The following LRP1B variants were observed in gnomAD, a reference collection of about 807,000 sequenced individuals.
LRP1B encodes LDL receptor related protein 1B, also known as low-density lipoprotein receptor-related protein 1B.
LRP1B carries 217 observed loss-of-function variants against 556.6 expected under a neutral mutation model. That is an observed-to-expected ratio of 0.39 (90% confidence interval 0.35 to 0.44). The LOEUF (loss-of-function observed/expected upper bound fraction) is 0.44, where lower values mean the gene tolerates loss of function less well. Ranked by LOEUF, LRP1B falls within the 20% of genes least tolerant of loss-of-function variation. LRP1B has a pLI of 1.00. For missense variants in LRP1B, 5,053 were observed against 5,620.8 expected, an observed-to-expected ratio of 0.90 and a Z score of 3.23; for synonymous variants, 2,047 against 1,865.8, an observed-to-expected ratio of 1.10 and a Z score of -2.50.
rs148562057 is a variant in LRP1B at position 141,447,474 on chromosome 2, C to A, written c.343+32922G>T. On this transcript the variant is annotated intron_variant, in intron 3 of 90. Transcript: ENST00000389484. ...GCCCTTGCTGGTGAGGAGTTGTGAT[C>A]CTTTGGAGAAGAGGCGTTCCAGTTT... 4.3e-3 allele frequency among the ~76,000 whole-genome samples: 654 copies of A among 152,062 alleles called. 6 individuals are homozygous for A. Among genetic ancestry groups the A allele is most frequent in the Non-Finnish European group, 6.8e-3 (460 of 67,978 alleles).
At position 140,325,993 on chromosome 2, in the gene LRP1B, G is replaced by C. The variant is rs527268217; in HGVS notation, c.12224-115C>G. 2.7e-4 allele frequency: 176 copies of C among 650,898 alleles called. 1 individual carries two copies. The African/African-American group carries it at 3.0e-3, about 11-fold the overall frequency. 40.3% of individuals were successfully genotyped at this position (650,898 alleles called of 1,614,324 possible). A position where few individuals can be genotyped will look rare whatever the true frequency, so the allele number is the denominator to read the frequency against. ...TTGACATTTGTCTTCAAGCATCATA[G>C]AAATTACCTGGTGCCCATCATGAAA... is the stretch of plus-strand genomic sequence containing the variant. On this transcript the variant is annotated intron_variant, in intron 79 of 90. Transcript: ENST00000389484.
chr2:141,882,958 A>G (rs1699001936), intron 1 of LRP1B, among the ~76,000 whole-genome samples: 1 of 152,200 alleles, frequency 6.6e-6, no homozygotes, highest in Non-Finnish European at 1.5e-5. Context: ...TTGGCTGTTC[A>G]GTAGCAGTCT....
intron 2 of LRP1B, among the ~76,000 whole-genome samples, chr2:141,560,082 T>C (rs77375080): frequency 1.7e-3 from 251 of 151,774 alleles, no homozygotes; most frequent in Middle Eastern, 3.4e-3. Context: ...GCTTACTCTT[T>C]TGACCCCTGA....
At chr2:142,050,712 T>TC (rs1704426090) in intron 1 of LRP1B, among the ~76,000 whole-genome samples, 1 of 152,086 alleles carries the variant, frequency 6.6e-6, no homozygotes, top group Non-Finnish European at 1.5e-5. Flanking sequence ...GAAGTAAAAC[T>TC]CCCACCTATG....
chr2:140,700,636 T>G lies in LRP1B; in HGVS notation c.6428-15A>C, dbSNP rs777677302. ...AACATTGGTCCCTAATGAAGAAAAA[T>G]GATACACACATGCACATGTTTATGT... On this transcript the variant is annotated splice_polypyrimidine_tract_variant and intron_variant, in intron 40 of 90. Coordinates refer to ENST00000389484, the MANE Select transcript of LRP1B (RefSeq NM_018557.3). The G allele has an allele frequency of 1.9e-6, 3 of 1,612,768 alleles. No homozygotes were observed. Among genetic ancestry groups the G allele is most frequent in the South Asian group, 2.2e-5 (2 of 90,990 alleles).
At chr2:141,258,971 T>C (rs1684585985) in intron 3 of LRP1B, among the ~76,000 whole-genome samples, 2 of 152,142 alleles carry the variant, frequency 1.3e-5, no homozygotes, top group African/African-American at 4.8e-5. Flanking sequence ...GAGAATGGAC[T>C]AATACAGCCC....
At chr2:140,431,131 C>G (rs1039101838) in intron 66 of LRP1B, among the ~76,000 whole-genome samples, 1 of 152,092 alleles carries the variant, frequency 6.6e-6, no homozygotes, top group African/African-American at 2.4e-5. Context: ...ATCAGCAAAG[C>G]ATTTTTTCAG....
intron 8 of LRP1B, among the ~76,000 whole-genome samples, chr2:141,060,210 TA>T (rs1256028998): frequency 6.6e-6 from 1 of 151,680 alleles, no homozygotes; most frequent in Non-Finnish European, 1.5e-5. Flanking sequence ...GAGACACGAC[TA>T]AAAAAAGACT....
chr2:140,640,383 C>CTTTTTTCTTTTTTTT (rs1684242692), intron 41 of LRP1B, among the ~76,000 whole-genome samples: 27 of 48,466 alleles, frequency 5.6e-4, no homozygotes, highest in South Asian at 2.2e-3. Flanking sequence ...GTCCTGTTTT[C>CTTTTTTCTTTTTTTT]TTTTTTTTTT....
chr2:140,793,264 C>T (rs566995736), intron 32 of LRP1B, among the ~76,000 whole-genome samples: 34 of 151,910 alleles, frequency 2.2e-4, no homozygotes, highest in Non-Finnish European at 3.7e-4. Context: ...TATATGACTT[C>T]GACTTTGATT....
At chr2:140,968,597 C>T (rs537897343) in intron 18 of LRP1B, among the ~76,000 whole-genome samples, 6 of 151,420 alleles carry the variant, frequency 4.0e-5, no homozygotes, top group East Asian at 2.0e-4. Context: ...GCTCTTGCTT[C>T]TCTAGTTCTT....
At chr2:141,641,341 GT>G (rs1375355604) in intron 2 of LRP1B, among the ~76,000 whole-genome samples, 1 of 152,000 alleles carries the variant, frequency 6.6e-6, no homozygotes, top group Non-Finnish European at 1.5e-5. Context: ...TGATCTTCCA[GT>G]TGTCCCCAAC....
intron 80 of LRP1B, among the ~76,000 whole-genome samples, chr2:140,324,903 T>C (rs1680383296): frequency 6.9e-6 from 1 of 145,596 alleles, no homozygotes; most frequent in African/African-American, 2.6e-5. Flanking sequence ...AGGCCATTGA[T>C]TAAAAAAAAA....
In LRP1B at chr2:140,556,735, TA is replaced by T. The variant is rs58738052; in HGVS notation, c.7195-14765del. Among the ~76,000 whole-genome samples the T allele has an allele frequency of 3.4e-3, 513 of 149,628 alleles. 6 individuals carry two copies. Among genetic ancestry groups the T allele is most frequent in the African/African-American group, 0.012 (492 of 40,722 alleles). On this transcript the variant is annotated intron_variant, in intron 43 of 90. Transcript: ENST00000389484. The stretch of plus-strand genomic sequence containing the variant: ...GATTGCCAACCAAAACAAACAAATT[TA>T]AAAAAAAAACAATTTTTTTTCAGTG...
chr2:141,534,911 C>T (rs1306140239), intron 2 of LRP1B, among the ~76,000 whole-genome samples: 1 of 152,074 alleles, frequency 6.6e-6, no homozygotes, highest in African/African-American at 2.4e-5. Context: ...CCCACTACTT[C>T]CTTTTTGTCT....
chr2:141,459,116 TA>T (rs2105038068), intron 3 of LRP1B, among the ~76,000 whole-genome samples: 1 of 152,244 alleles, frequency 6.6e-6, no homozygotes, highest in African/African-American at 2.4e-5. Context: ...GTATGTTCAA[TA>T]CTTACCTAGC....
intron 2 of LRP1B, among the ~76,000 whole-genome samples, chr2:141,558,465 T>G (rs1471527530): frequency 1.3e-5 from 2 of 151,806 alleles, no homozygotes; most frequent in African/African-American, 4.8e-5. Context: ...GTACCTTCTC[T>G]CTTCTTCACA....
chr2:141,251,554 C>T (rs1434702843), intron 4 of LRP1B, among the ~76,000 whole-genome samples: 2 of 151,926 alleles, frequency 1.3e-5, no homozygotes, highest in Non-Finnish European at 2.9e-5. Flanking sequence ...CGGTGATAGC[C>T]AGTGGAAATG....
At chr2:140,328,189 A>C (rs2105069910) in intron 79 of LRP1B, among the ~76,000 whole-genome samples, 1 of 152,158 alleles carries the variant, frequency 6.6e-6, no homozygotes, top group East Asian at 1.9e-4. Context: ...GAATATTTGG[A>C]ACCAAGTCAC....
Sources: gnomAD v4.1 joint callset for allele counts (sites outside exome capture counted in the v4.1 genomes callset) on GRCh38, gnomAD v4.1.1 for gene constraint, MANE v1.5 for transcripts, NCBI Gene and HGNC (gene_info 2026-07-23, HGNC 2026-07-21) for gene names.